STS: variants seen among roughly 807,000 people sequenced by gnomAD.
STS encodes the protein steryl-sulfatase.
Under a neutral mutation model 26.8 loss-of-function variants are expected in STS, and 7 were observed. That is an observed-to-expected ratio of 0.26 (90% CI 0.15 to 0.49). STS has a LOEUF of 0.49. STS is among the 20% of genes least tolerant of loss of function. STS has a pLI of 0.98. For missense variants in STS, 434 were observed against 465.6 expected (o/e 0.93, Z 0.63); for synonymous variants, 199 against 189.4 (o/e 1.05, Z -0.42).
chrX:7,328,532 C>A (rs748922030), intron 9 of STS, among the ~76,000 whole-genome samples: 1 of 106,414 alleles, frequency 9.4e-6, no homozygotes, highest in Non-Finnish European at 1.9e-5. Context: ...CTTTCATGGA[C>A]CTCAGAGGTG....
chrX:7,152,245 C>T (rs916490503), intron 1 of STS, among the ~76,000 whole-genome samples: 4 of 112,206 alleles, frequency 3.6e-5, no homozygotes, highest in Admixed American at 1.9e-4. Context: ...AGCCACCACG[C>T]CCGGCCAGGA....
At chrX:7,182,780 C>T (rs1408536890) in intron 1 of STS, among the ~76,000 whole-genome samples, 1 of 111,281 alleles carries the variant, frequency 9.0e-6, no homozygotes, top group Non-Finnish European at 1.9e-5. Flanking sequence ...TCAGTTCTTA[C>T]AGATGGGACC....
intron 1 of STS, among the ~76,000 whole-genome samples, chrX:7,168,761 A>G (rs1688972056): frequency 1.8e-5 from 2 of 111,406 alleles, no homozygotes; most frequent in African/African-American, 6.5e-5. Flanking sequence ...CTTACCCAGG[A>G]TGTTCCTTAG....
At chrX:7,319,962 T>C (rs1198413253) in intron 8 of STS, among the ~76,000 whole-genome samples, 2 of 92,861 alleles carry the variant, frequency 2.2e-5, no homozygotes, top group African/African-American at 8.3e-5. Context: ...TATTTATATA[T>C]ATATTTTATA....
rs755188344 is a variant in STS, at chrX:7,305,206, AGCTCTGG to A, written c.1081+24_1081+30del. 4 of 1,208,606 alleles carry A rather than the reference AGCTCTGG, an allele frequency of 3.3e-6. No individual in the cohort carries two copies. The East Asian group carries it at 1.2e-4, about 36-fold the overall frequency. ...AAGGTGAGAAATGCTGGGATGGAGA[AGCTCTGG>A]CCTCTCAGCTCATCCGCTGGTCACT... is the stretch of plus-strand genomic sequence containing the variant. On this transcript the variant is annotated intron_variant, in intron 8 of 10. Coordinates refer to ENST00000674429, the MANE Select transcript of STS (RefSeq NM_001320752.2).
At chrX:7,324,535 G>T (rs1434713577) in intron 8 of STS, among the ~76,000 whole-genome samples, 1 of 111,559 alleles carries the variant, frequency 9.0e-6, no homozygotes, top group Non-Finnish European at 1.9e-5. Flanking sequence ...ATATTTTGGG[G>T]TAAACTACTT....
chrX:7,208,216 T>G (rs1299531286), intron 2 of STS, among the ~76,000 whole-genome samples: 1 of 112,452 alleles, frequency 8.9e-6, no homozygotes, highest in East Asian at 2.8e-4. Context: ...TCTTCAACCC[T>G]TTATACTTTA....
At chrX:7,180,473 T>C (rs188501510) in intron 1 of STS, among the ~76,000 whole-genome samples, 2 of 111,903 alleles carry the variant, frequency 1.8e-5, no homozygotes, top group East Asian at 5.7e-4. Context: ...GAAACTTCAC[T>C]CATTCGCCTG....
intron 8 of STS, among the ~76,000 whole-genome samples, chrX:7,321,735 A>C (rs190964710): frequency 1.8e-5 from 2 of 112,433 alleles, no homozygotes; most frequent in East Asian, 5.6e-4. Flanking sequence ...GCTTCACACC[A>C]ATTGTTTAAA....
chrX:7,272,217 C>CATATATATAT (rs372911748), intron 6 of STS, among the ~76,000 whole-genome samples: 9,616 of 93,838 alleles, frequency 0.1, 481 homozygotes, highest in African/African-American at 0.14. Flanking sequence ...AATTTAATTA[C>CATATATATAT]ATATATATAT....
Position 7,350,280 on chromosome X carries a change from C to G in STS, c.*19C>G. ...CCGCTAGCAGCGCCTGGGGACCAGA[C>G]AGACGCATGTGGCAAAGCTCACCAT... On this transcript the variant is annotated 3_prime_UTR_variant, in exon 11 of 11. Transcript: ENST00000674429. The G allele has an allele frequency of 8.3e-7, 1 of 1,200,831 alleles. No individual in the cohort carries two copies. Among genetic ancestry groups the G allele is most frequent in the Non-Finnish European group, 1.1e-6 (1 of 890,767 alleles).
chrX:7,152,196 C>G, intron 1 of STS, among the ~76,000 whole-genome samples: 1 of 111,511 alleles, frequency 9.0e-6, no homozygotes, highest in Non-Finnish European at 1.9e-5. Context: ...TTGCGATCCG[C>G]CCCCCTCAGC....
At chrX:7,274,059 A>G (rs1924412557) in intron 6 of STS, among the ~76,000 whole-genome samples, 1 of 111,487 alleles carries the variant, frequency 9.0e-6, no homozygotes, top group Non-Finnish European at 1.9e-5. Flanking sequence ...TGTGCAGAGC[A>G]TTGAGCTGTG....
chrX:7,192,168 CAG>C (rs2147017226), intron 2 of STS, among the ~76,000 whole-genome samples: 1 of 111,828 alleles, frequency 8.9e-6, no homozygotes, highest in African/African-American at 3.2e-5. Context: ...CTCCCAAAGT[CAG>C]AGACCCTGGG....
At chrX:7,213,356 C>T (rs985458586) in intron 2 of STS, among the ~76,000 whole-genome samples, 3 of 111,897 alleles carry the variant, frequency 2.7e-5, no homozygotes. Flanking sequence ...CATCTGCAGG[C>T]TACCAAAAGG....
intron 2 of STS, among the ~76,000 whole-genome samples, chrX:7,222,117 C>T (rs767306071): frequency 9.8e-5 from 11 of 111,745 alleles, no homozygotes; most frequent in Non-Finnish European, 1.9e-4. Flanking sequence ...CAAGTCCTCA[C>T]TAAATACTGG....
At chrX:7,151,779 C>T (rs1298068712) in intron 1 of STS, among the ~76,000 whole-genome samples, 4 of 110,913 alleles carry the variant, frequency 3.6e-5, no homozygotes, top group African/African-American at 1.3e-4. Context: ...CCAGCATCCC[C>T]TGGGAGCTCA....
In STS at chrX:7,157,485, A is replaced by T. The variant is rs773136276; in HGVS notation, c.-134+9402A>T. Reference sequence around the variant, plus strand: ...GGAATGTCAAACATCAGGTAGGTTCAACTCTGAACAATTTCATTAAGCATC... The same window carrying T: ...GGAATGTCAAACATCAGGTAGGTTCTACTCTGAACAATTTCATTAAGCATC... On this transcript the variant is annotated intron_variant, in intron 1 of 10. Coordinates refer to ENST00000674429, the MANE Select transcript of STS (RefSeq NM_001320752.2). Among the ~76,000 whole-genome samples the T allele has an allele frequency of 4.5e-5, 5 of 111,894 alleles. No individual in the cohort carries two copies. The South Asian group carries it at 1.9e-3, about 42-fold the overall frequency.
chrX:7,179,333 G>A (rs1933637992), intron 1 of STS, among the ~76,000 whole-genome samples: 1 of 109,995 alleles, frequency 9.1e-6, no homozygotes, highest in Non-Finnish European at 1.9e-5. Context: ...TCCTTCTCAT[G>A]AAAGTGGTAA....
Sources: allele counts gnomAD v4.1 joint callset (sites outside exome capture counted in the v4.1 genomes callset), GRCh38; gene constraint gnomAD v4.1.1; transcripts MANE v1.5; gene names NCBI Gene and HGNC (gene_info 2026-07-23, HGNC 2026-07-21).